Variants in S100Z observed in about 807,000 individuals in gnomAD.
S100Z encodes the protein S100 calcium binding protein Z.
In S100Z, 11 loss-of-function variants were observed where a neutral mutation model predicts 8.5. The ratio of observed to expected loss-of-function variants is 1.30; its 90% confidence interval spans 0.82 to 2.15. The LOEUF is 2.15. S100Z is among the 30% of genes most tolerant of loss of function. The pLI is 0.00. For synonymous variants in S100Z, 34 were observed against 43.8 expected, an observed-to-expected ratio of 0.78 and a Z score of 0.89; for missense variants, 126 against 117.9, an observed-to-expected ratio of 1.07 and a Z score of -0.32.
chr5:76,940,287 G>A, the S100Z span, among the ~76,000 whole-genome samples: 1 of 152,174 alleles, frequency 6.6e-6, no homozygotes, highest in Non-Finnish European at 1.5e-5. Context: ...TAAAAATTAG[G>A]AGGAACCTAA....
At chr5:76,889,401 T>A (rs1743778210) in intron 4 of S100Z, among the ~76,000 whole-genome samples, 1 of 152,210 alleles carries the variant, frequency 6.6e-6, no homozygotes, top group African/African-American at 2.4e-5. Context: ...TTTAAGTTTG[T>A]TTTTTACAAG....
chr5:76,864,848 A>G (rs1751209423), intron 1 of S100Z, among the ~76,000 whole-genome samples: 1 of 152,000 alleles, frequency 6.6e-6, no homozygotes, highest in African/African-American at 2.4e-5. Flanking sequence ...AGCTGAGACT[A>G]CAGTCGCACA....
intron 4 of S100Z, among the ~76,000 whole-genome samples, chr5:76,914,273 G>A (rs559130862): frequency 6.2e-4 from 95 of 152,216 alleles, no homozygotes; most frequent in Non-Finnish European, 1.2e-3. Flanking sequence ...AGGTGAAGCC[G>A]GCTGGGCTTC....
chr5:76,943,958 AT>A, the S100Z span, among the ~76,000 whole-genome samples: 1 of 152,070 alleles, frequency 6.6e-6, no homozygotes, highest in Admixed American at 6.5e-5. Context: ...TTTTGCATTA[AT>A]TTTTGTTTTA....
At chr5:76,872,071 TA>T (rs953649354) in intron 2 of S100Z, among the ~76,000 whole-genome samples, 1 of 151,340 alleles carries the variant, frequency 6.6e-6, no homozygotes, top group South Asian at 2.1e-4. Context: ...ACCTCATCTC[TA>T]AAAAAAGTAA....
At chr5:76,859,300 C>T (rs561678751) in intron 1 of S100Z, among the ~76,000 whole-genome samples, 10 of 152,166 alleles carry the variant, frequency 6.6e-5, no homozygotes, top group Admixed American at 1.3e-4. Flanking sequence ...GATTAGGATT[C>T]GGAGCTGCTT....
In S100Z at chr5:76,894,871, G is replaced by A. The variant is rs184265521; in HGVS notation, c.*2+17037G>A. Among the ~76,000 whole-genome samples the A allele has an allele frequency of 5.3e-4, 81 of 152,160 alleles. 1 individual carries two copies. In the East Asian group the frequency reaches 0.014, roughly 25 times the overall value. On this transcript the variant is annotated intron_variant, in intron 4 of 4. Coordinates refer to ENST00000317593, the MANE Select transcript of S100Z (RefSeq NM_130772.4). ...CCCAAAGTCCTGGGATTACAGGTGT[G>A]AGCCACCGCGCCCACCCTAAATTTT...
chr5:76,927,021 C>G, the S100Z span, among the ~76,000 whole-genome samples: 1 of 152,196 alleles, frequency 6.6e-6, no homozygotes, highest in African/African-American at 2.4e-5. Context: ...CCAATTCAGT[C>G]TGTGATTCTT....
intron 2 of S100Z, among the ~76,000 whole-genome samples, chr5:76,872,194 C>T (rs777913192): frequency 6.6e-6 from 1 of 152,050 alleles, no homozygotes; most frequent in Non-Finnish European, 1.5e-5. Flanking sequence ...CTGCAGTGAG[C>T]CATTATTGCA....
At position 76,919,884 on chromosome 5, in the gene S100Z, G is replaced by A. The variant is rs183062929; in HGVS notation, c.*3-833G>A. On this transcript the variant is annotated intron_variant, in intron 4 of 4. Transcript: ENST00000317593. ...TTCCCACAGTGCTGGGATTACAGGT[G>A]TGAACCACCATGCCCAGCTTTCATT... 3.5e-3 allele frequency among the ~76,000 whole-genome samples: 524 copies of A among 150,352 alleles called. 3 individuals carry two copies. Among genetic ancestry groups the A allele is most frequent in the African/African-American group, 0.012 (499 of 40,688 alleles).
chr5:76,871,535 T>A (rs1003342310), intron 2 of S100Z, among the ~76,000 whole-genome samples: 32 of 151,276 alleles, frequency 2.1e-4, no homozygotes, highest in Non-Finnish European at 4.0e-4. Flanking sequence ...TTTTTTTTTT[T>A]TTTTTTAGAC....
downstream of S100Z, among the ~76,000 whole-genome samples, chr5:76,925,006 T>G (rs1395271026): frequency 6.6e-6 from 1 of 152,136 alleles, no homozygotes; most frequent in Non-Finnish European, 1.5e-5. Context: ...CATGGGACTC[T>G]TACAAGGTTG....
the S100Z span, among the ~76,000 whole-genome samples, chr5:76,938,049 G>A: frequency 3.9e-5 from 6 of 152,078 alleles, no homozygotes; most frequent in East Asian, 3.9e-4. Flanking sequence ...AGCCGAGATC[G>A]CGCCACTGCA....
At chr5:76,869,172 T>C (rs975215555) in intron 1 of S100Z, among the ~76,000 whole-genome samples, 1 of 152,096 alleles carries the variant, frequency 6.6e-6, no homozygotes, top group Non-Finnish European at 1.5e-5. Context: ...GTGGAATGCA[T>C]AGATGAACCA....
chr5:76,855,464 A>T (rs1750856366), intron 1 of S100Z, among the ~76,000 whole-genome samples: 1 of 152,200 alleles, frequency 6.6e-6, no homozygotes, highest in South Asian at 2.1e-4. Flanking sequence ...CTGAGACTTC[A>T]TGTGAGACAT....
Position 76,884,472 on chromosome 5 carries a change from T to C in S100Z, c.*2+6638T>C, listed in dbSNP as rs192780755. On this transcript the variant is annotated intron_variant, in intron 4 of 4. Transcript: ENST00000317593. The stretch of plus-strand genomic sequence containing the variant: ...CTTTCCCATTCATCCGGGGAGAGGG[T>C]AGAAGTCAGGATGACATTTAAGTCA... Among the ~76,000 whole-genome samples, 3 of 152,132 alleles carry C rather than the reference T, an allele frequency of 2.0e-5. No individual in the cohort carries two copies. The East Asian group carries it at 5.8e-4, about 29-fold the overall frequency.
intron 1 of S100Z, among the ~76,000 whole-genome samples, chr5:76,854,195 A>G (rs1750811898): frequency 6.6e-6 from 1 of 152,152 alleles, no homozygotes; most frequent in Non-Finnish European, 1.5e-5. Context: ...GAAAAATAGT[A>G]CCAAGGAGTG....
the S100Z span, among the ~76,000 whole-genome samples, chr5:76,936,624 CA>C: frequency 1.5e-5 from 2 of 130,070 alleles, no homozygotes; most frequent in African/African-American, 6.3e-5. Context: ...CCTACACACA[CA>C]CACACACACA....
intron 1 of S100Z, among the ~76,000 whole-genome samples, chr5:76,860,975 T>C (rs1378949810): frequency 6.6e-6 from 1 of 152,242 alleles, no homozygotes; most frequent in African/African-American, 2.4e-5. Context: ...TTCCAAACTT[T>C]TAAATAACAA....
Sources: allele counts gnomAD v4.1 joint callset (sites outside exome capture counted in the v4.1 genomes callset), GRCh38; gene constraint gnomAD v4.1.1; transcripts MANE v1.5; gene names NCBI Gene and HGNC (gene_info 2026-07-23, HGNC 2026-07-21).